Variants in PLXNA1 observed in about 807,000 individuals in gnomAD.
PLXNA1 encodes the protein plexin A1.
PLXNA1 carries 77 observed loss-of-function variants against 191.7 expected under a neutral mutation model. That is an observed-to-expected ratio of 0.40 (90% CI 0.33 to 0.49). The LOEUF is 0.49. Among genes scored for constraint, PLXNA1 ranks in the 20% least tolerant of loss-of-function variants. The pLI is 0.63. For missense variants in PLXNA1, 2,110 were observed against 2,660.2 expected, an observed-to-expected ratio of 0.79 and a Z score of 4.55; for synonymous variants, 1,137 against 1,156.4, an observed-to-expected ratio of 0.98 and a Z score of 0.34.
In PLXNA1 at chr3:127,028,092, C is replaced by T. The variant is rs370714109; in HGVS notation, c.4509+6C>T. The T allele has an allele frequency of 3.8e-5, 62 of 1,613,898 alleles. No individual in the cohort carries two copies. Among genetic ancestry groups the T allele is most frequent in the African/African-American group, 1.7e-4 (13 of 75,056 alleles). ...AGATTGACTACAAGACACTGGTGAG[C>T]GTGGCTGCCCTCTGTCCTGGGTGCC... On this transcript the variant is annotated splice_donor_region_variant and intron_variant, in intron 24 of 31. Transcript: ENST00000393409.
chr3:127,027,100 G>T (rs975196792), intron 23 of PLXNA1: 15 of 167,326 alleles, frequency 9.0e-5, no homozygotes, highest in Non-Finnish European at 1.7e-4. Flanking sequence ...GTGGTCGGGG[G>T]TACGTGTGCT....
At chr3:127,018,617 C>A in intron 20 of PLXNA1, 89 bp downstream of exon 20, 1 of 967,362 alleles carries the variant, frequency 1.0e-6, no homozygotes, top group Middle Eastern at 2.4e-4. Flanking sequence ...CCGCCGCCCC[C>A]ACCCTGCTTC....
At position 127,030,121 on chromosome 3, in the gene PLXNA1, A is replaced by G. The variant is rs748407570; in HGVS notation, c.5061+57A>G. ...CGCTGGGCCAACTGAGCTCAGAGAA[A>G]GTGCCAAGCCCAGAGCAAGGGCCTC... On this transcript the variant is annotated intron_variant, in intron 28 of 31. Transcript: ENST00000393409. 1.7e-5 allele frequency: 27 copies of G among 1,597,372 alleles called. No individual in the cohort carries two copies. In the Admixed American group the frequency reaches 1.8e-4, roughly 11 times the overall value.
rs550965721 is a variant in PLXNA1 at position 126,985,415 on chromosome 3, T to C, written c.-74+2128T>C. 7.6e-4 allele frequency among the ~76,000 whole-genome samples: 115 copies of C among 152,176 alleles called. 1 individual carries two copies. Among genetic ancestry groups the C allele is most frequent in the African/African-American group, 2.6e-3 (110 of 41,516 alleles). ...CCTCAGCCTAGAACAGCTCTGGCCATGCCGGAGAGCCACAGCCGTTCCTAC... is the reference window on the plus strand; with the variant it reads ...CCTCAGCCTAGAACAGCTCTGGCCACGCCGGAGAGCCACAGCCGTTCCTAC... On this transcript the variant is annotated intron_variant, in intron 1 of 31. Coordinates refer to ENST00000393409, the MANE Select transcript of PLXNA1 (RefSeq NM_032242.4).
Position 127,017,445 on chromosome 3 carries a change from C to T in PLXNA1, c.3297C>T (p.Asp1099=), listed in dbSNP as rs761097428. 24 of 1,613,046 alleles carry T rather than the reference C, an allele frequency of 1.5e-5. No homozygotes were observed. The highest frequency in any genetic ancestry group is 2.0e-5 in the Non-Finnish European group (24 of 1,179,962). ...TCCAGGGCTGCCTGGTGTACAATGA[C>T]ACCACCATGGTATGCCGCGCCCCGT... The part of the protein sequence containing the change: ...ERENGCLVYN[D]TTMVCRAPSV... Residue 1099 remains aspartate (D), a synonymous_variant, in exon 18 of 32, where the codon GAC becomes GAT. Coordinates refer to ENST00000393409, the MANE Select transcript of PLXNA1 (RefSeq NM_032242.4).
Position 127,017,046 on chromosome 3 carries a change from C to G in PLXNA1, c.3276+9C>G. ...GCATTGAGAGGGAGAACGTGAGTCC[C>G]TGCCCTCAGCTGCCCACCTCGGTCC... is the stretch of plus-strand genomic sequence containing the variant. On this transcript the variant is annotated intron_variant, in intron 17 of 31. Transcript: ENST00000393409. 6.2e-7 allele frequency: 1 copy of G among 1,607,008 alleles called. No homozygotes were observed. The highest frequency in any genetic ancestry group is 8.5e-7 in the Non-Finnish European group (1 of 1,174,738).
At chr3:127,033,102 G>A (rs2079220906) in intron 31 of PLXNA1, among the ~76,000 whole-genome samples, 1 of 152,234 alleles carries the variant, frequency 6.6e-6, no homozygotes, top group African/African-American at 2.4e-5. Flanking sequence ...TCTTCCTGAG[G>A]CAGAGGGTGT....
intron 31 of PLXNA1, 149 bp downstream of exon 31, chr3:127,032,985 T>G: frequency 1.2e-6 from 1 of 821,398 alleles, no homozygotes; most frequent in Non-Finnish European, 1.9e-6. Flanking sequence ...GGCCACCTGG[T>G]TCCTTGGGGC....
At chr3:126,983,514 G>T (rs2078941423) in intron 1 of PLXNA1, among the ~76,000 whole-genome samples, 2 of 146,208 alleles carry the variant, frequency 1.4e-5, no homozygotes, top group Admixed American at 6.8e-5. Flanking sequence ...CCAGGCGTCC[G>T]CGTGTGTCCG....
In PLXNA1 at chr3:126,989,210, T is replaced by C. The variant is rs761287603; in HGVS notation, c.617T>C (p.Leu206Pro). The C allele has an allele frequency of 6.2e-7, 1 of 1,613,658 alleles. No homozygotes were observed. The highest frequency in any genetic ancestry group is 2.2e-5 in the East Asian group (1 of 44,876). The change falls in exon 2 of 32, where the codon CTC becomes CCC. Residue 206 changes from leucine (L) to proline (P), a missense_variant. Physicochemically the swap from Leu to Pro is moderately conservative, Grantham distance 98 (BLOSUM62 -3). This residue lies in a region of PLXNA1 where 903 missense variants were observed against 1,015.7 expected (regional missense o/e 0.89). Transcript: ENST00000393409. ...TTCCCCACACTGTCCAGCCGTCGGC[T>C]CATGGCCAACGAGGAGGATGCCGAC... ...EYFPTLSSRR[L>P]MANEEDADMF...
chr3:127,005,370 A>G (rs919459505), intron 7 of PLXNA1, 127 bp downstream of exon 7: 1 of 1,232,766 alleles, frequency 8.1e-7, no homozygotes, highest in Non-Finnish European at 1.1e-6. Context: ...GACAGCTGAT[A>G]TGGGTGGGGG....
chr3:127,012,840 C>CA (rs2079102460), intron 10 of PLXNA1, among the ~76,000 whole-genome samples: 1 of 152,214 alleles, frequency 6.6e-6, no homozygotes, highest in South Asian at 2.1e-4. Flanking sequence ...GGGCTGAAGT[C>CA]CTGCACTCCC....
intron 3 of PLXNA1, among the ~76,000 whole-genome samples, chr3:126,995,744 C>CTGTG (rs2079012174): frequency 6.6e-6 from 1 of 152,252 alleles, no homozygotes; most frequent in Non-Finnish European, 1.5e-5. Flanking sequence ...GGGACCTGCA[C>CTGTG]TGTGGCCTTG....
At chr3:126,991,594 A>G in intron 3 of PLXNA1, 28 bp downstream of exon 3, 1 of 1,106,250 alleles carries the variant, frequency 9.0e-7, no homozygotes, top group Non-Finnish European at 1.3e-6. Flanking sequence ...TGGGGTGAGG[A>G]GGGGGCTTGG....
At chr3:126,990,106 C>T (rs2078983288) in intron 2 of PLXNA1, among the ~76,000 whole-genome samples, 1 of 152,220 alleles carries the variant, frequency 6.6e-6, no homozygotes, top group Non-Finnish European at 1.5e-5. Context: ...ATGCCTGGTC[C>T]TACACCTGGT....
At position 127,018,281 on chromosome 3, in the gene PLXNA1, C is replaced by A. The variant is rs567497985; in HGVS notation, c.3661-13C>A. 4.4e-6 allele frequency: 7 copies of A among 1,582,054 alleles called. No individual in the cohort carries two copies. The highest frequency in any genetic ancestry group is 5.2e-6 in the Non-Finnish European group (6 of 1,162,004). On this transcript the variant is annotated splice_polypyrimidine_tract_variant and intron_variant, in intron 19 of 31. Transcript: ENST00000393409. ...GCATGGGAAGCTCCTGAGTGGCCTC[C>A]ACCCACTGGCAGGTGCGGGCAGGTG... is the stretch of plus-strand genomic sequence containing the variant.
chr3:127,014,229 C>T lies in PLXNA1; in HGVS notation c.2458C>T (p.Leu820Phe). The part of the protein sequence containing the change: ...PALRESCGLC[L>F]KADPRFECGW... ...CCTGCGCGAGAGCTGCGGCCTCTGC[C>T]TCAAGGCCGACCCGCGCTTCGAGTG... The change falls in exon 12 of 32, where the codon CTC becomes TTC. Residue 820 changes from leucine (L) to phenylalanine (F), a missense_variant. Around this residue, in one of 4 missense-constraint regions of PLXNA1, gnomAD observed 644 missense variants for 714.3 expected, o/e 0.90. Transcript: ENST00000393409. 6.2e-7 allele frequency: 1 copy of T among 1,607,178 alleles called. No individual in the cohort carries two copies. Among genetic ancestry groups the T allele is most frequent in the Non-Finnish European group, 8.5e-7 (1 of 1,176,888 alleles).
chr3:127,010,372 C>T (rs558394385), intron 9 of PLXNA1, among the ~76,000 whole-genome samples: 2 of 152,246 alleles, frequency 1.3e-5, no homozygotes, highest in South Asian at 2.1e-4. Flanking sequence ...CAGGCCAGGT[C>T]GAGTCAGGTG....
intron 3 of PLXNA1, among the ~76,000 whole-genome samples, chr3:126,999,957 G>C (rs2079031904): frequency 6.6e-6 from 1 of 152,128 alleles, no homozygotes; most frequent in South Asian, 2.1e-4. Context: ...AGGTACCCCA[G>C]GGTTAGATGG....
Sources: allele counts gnomAD v4.1 joint callset (sites outside exome capture counted in the v4.1 genomes callset), GRCh38; gene constraint gnomAD v4.1.1; regional missense constraint gnomAD v4.1.1; transcripts MANE v1.5; gene names NCBI Gene and HGNC (gene_info 2026-07-23, HGNC 2026-07-21).